Variants in SLC7A13 observed in about 807,000 individuals in gnomAD.
SLC7A13 encodes the protein X-amino acid transporter 2.
Under a neutral mutation model 32.0 loss-of-function variants are expected in SLC7A13, and 31 were observed. The observed-to-expected ratio is 0.97, with a 90% CI of 0.73 to 1.31. The LOEUF is 1.31. SLC7A13 is among the 50% of genes most tolerant of loss of function. The probability of loss-of-function intolerance (pLI) is 0.00; values close to 1 mark genes in which losing one functional copy is unlikely to be tolerated. For missense variants in SLC7A13, 633 were observed against 546.9 expected, an observed-to-expected ratio of 1.16 and a Z score of -1.57; for synonymous variants, 232 against 206.9, an observed-to-expected ratio of 1.12 and a Z score of -1.04.
chr8:86,223,250 A>C, intron 1 of SLC7A13, 147 bp from the exon 2 acceptor site: 1 of 743,086 alleles, frequency 1.3e-6, no homozygotes, highest in Non-Finnish European at 2.0e-6. Context: ...TGGTCAAATC[A>C]GAGTTTTAGT....
At position 86,214,504 on chromosome 8, in the gene SLC7A13, T is replaced by A. The variant is rs1470396247; in HGVS notation, c.1322A>T (p.His441Leu). ...SGLLFYIPLI[H>L]FKIRLAWFEK... Reference sequence around the variant, plus strand: ...AAACCAAGCCAATCTTATTTTAAAATGTATTAAAGGTATGTAAAATAGTAA... The same window carrying A: ...AAACCAAGCCAATCTTATTTTAAAAAGTATTAAAGGTATGTAAAATAGTAA... Residue 441 changes from histidine (H) to leucine (L), a missense_variant, in exon 4 of 4, where the codon CAT (histidine) becomes CTT (leucine). His to Leu is a moderately conservative substitution (Grantham distance 99). Coordinates refer to ENST00000297524, the MANE Select transcript of SLC7A13 (RefSeq NM_138817.3). 6.2e-7 allele frequency: 1 copy of A among 1,612,250 alleles called. No individual in the cohort carries two copies. Among genetic ancestry groups the A allele is most frequent in the Non-Finnish European group, 8.5e-7 (1 of 1,178,972 alleles).
Position 86,229,783 on chromosome 8 carries a change from C to T in SLC7A13, c.495G>A (p.Val165=), listed in dbSNP as rs1051211573. ...TGAAGCTAAGTATGGACACTTTCAG[C>T]ACTGAGCTAGCTATCTGAAGCCAAG... The part of the protein sequence containing the change: ...EVTWLQIASS[V]LKVSILSFIS... Residue 165 remains valine (V), a synonymous_variant, in exon 1 of 4, where the codon GTG becomes GTA. Coordinates refer to ENST00000297524, the MANE Select transcript of SLC7A13 (RefSeq NM_138817.3). 1 of 1,614,060 alleles carries T rather than the reference C, an allele frequency of 6.2e-7. No individual in the cohort carries two copies. The highest frequency in any genetic ancestry group is 8.5e-7 in the Non-Finnish European group (1 of 1,180,048).
At chr8:86,219,584 C>A (rs1341996028) in intron 2 of SLC7A13, among the ~76,000 whole-genome samples, 1 of 152,150 alleles carries the variant, frequency 6.6e-6, no homozygotes, top group East Asian at 1.9e-4. Flanking sequence ...TTTGGATCCT[C>A]TTCTAGAAAT....
intron 3 of SLC7A13, among the ~76,000 whole-genome samples, chr8:86,217,055 C>T (rs190252906): frequency 1.1e-3 from 170 of 152,272 alleles, no homozygotes; most frequent in African/African-American, 3.8e-3. Context: ...AATTTGCCAA[C>T]AAAGTAAGCT....
In SLC7A13 at chr8:86,229,786, T is replaced by C; in HGVS notation, c.492A>G (p.Ser164=). ...AGCTAAGTATGGACACTTTCAGCAC[T>C]GAGCTAGCTATCTGAAGCCAAGTCA... ...KEVTWLQIAS[S]VLKVSILSFI... The change falls in exon 1 of 4, where the codon TCA becomes TCG. Residue 164 remains serine, a synonymous_variant. Transcript: ENST00000297524. The C allele has an allele frequency of 6.2e-7, 1 of 1,614,236 alleles. No individual in the cohort carries two copies. Among genetic ancestry groups the C allele is most frequent in the Non-Finnish European group, 8.5e-7 (1 of 1,180,044 alleles).
rs1820137924 is a variant in SLC7A13 at position 86,214,164 on chromosome 8, C to A, written c.*249G>T. On this transcript the variant is annotated 3_prime_UTR_variant, in exon 4 of 4. Coordinates refer to ENST00000297524, the MANE Select transcript of SLC7A13 (RefSeq NM_138817.3). ...AGAGAATGGAAGTTGTATAATCACT[C>A]TATCAAGCTACGCAAACCAGGACTT... 2 of 307,560 alleles carry A rather than the reference C, an allele frequency of 6.5e-6. No homozygotes were observed. The highest frequency in any genetic ancestry group is 4.6e-5 in the Admixed American group (1 of 21,838). The allele number at this position is 307,560 out of a possible 1,614,324, so 19.1% of individuals were successfully genotyped here.
chr8:86,220,093 A>G (rs1031202276), intron 2 of SLC7A13, among the ~76,000 whole-genome samples: 2 of 152,048 alleles, frequency 1.3e-5, no homozygotes, highest in Non-Finnish European at 2.9e-5. Flanking sequence ...ATTTTTAACA[A>G]CATCTGGGTA....
intron 2 of SLC7A13, among the ~76,000 whole-genome samples, 157 bp from the exon 3 acceptor site, chr8:86,217,988 A>G (rs962134262): frequency 6.6e-6 from 1 of 152,172 alleles, no homozygotes; most frequent in Non-Finnish European, 1.5e-5. Flanking sequence ...TTACACCTAC[A>G]TAACACCTTA....
intron 1 of SLC7A13, among the ~76,000 whole-genome samples, chr8:86,224,629 A>G (rs928831995): frequency 1.3e-5 from 2 of 152,158 alleles, no homozygotes; most frequent in East Asian, 1.9e-4. Context: ...ATTTTGTCCT[A>G]CCCTGAGAAT....
chr8:86,215,756 T>G (rs751311409), intron 3 of SLC7A13: 26 of 390,974 alleles, frequency 6.7e-5, no homozygotes, highest in Non-Finnish European at 1.1e-4. Flanking sequence ...AAAAAGATAC[T>G]TTATCATCTC....
intron 1 of SLC7A13, among the ~76,000 whole-genome samples, chr8:86,227,065 AG>A (rs1297624162): frequency 6.6e-6 from 1 of 152,236 alleles, no homozygotes; most frequent in Non-Finnish European, 1.5e-5. Flanking sequence ...CACTTGCTAT[AG>A]TTGGTAATGG....
chr8:86,222,659 A>ATTT (rs1820316166), intron 2 of SLC7A13, among the ~76,000 whole-genome samples: 1 of 152,166 alleles, frequency 6.6e-6, no homozygotes, highest in Non-Finnish European at 1.5e-5. Flanking sequence ...AATCGATGTA[A>ATTT]ACAGTGATTA....
chr8:86,218,968 G>C (rs1198239440), intron 2 of SLC7A13, among the ~76,000 whole-genome samples: 1 of 152,090 alleles, frequency 6.6e-6, no homozygotes, highest in Non-Finnish European at 1.5e-5. Context: ...TATAACACAA[G>C]GTAGGACTTC....
rs776236980 is a variant in SLC7A13, at chr8:86,214,379, AG to A, written c.*33del. Reference sequence around the variant, plus strand: ...TGGAATCTGATATATGTTTTTTAGAAGGCCAATTTTTTAAGAGTTTGCACTT... The same window carrying A: ...TGGAATCTGATATATGTTTTTTAGAAGCCAATTTTTTAAGAGTTTGCACTT... On this transcript the variant is annotated 3_prime_UTR_variant, in exon 4 of 4. Transcript: ENST00000297524. 23 of 1,343,186 alleles carry A rather than the reference AG, an allele frequency of 1.7e-5. No individual in the cohort carries two copies. Among genetic ancestry groups the A allele is most frequent in the Non-Finnish European group, 2.2e-5 (21 of 966,240 alleles). The allele number at this position is 1,343,186 out of a possible 1,614,324, so 83.2% of individuals were successfully genotyped here.
chr8:86,221,856 G>A (rs1025608195), intron 2 of SLC7A13, among the ~76,000 whole-genome samples: 2 of 152,072 alleles, frequency 1.3e-5, no homozygotes, highest in African/African-American at 2.4e-5. Context: ...CATAACAGAC[G>A]CCAGCTTCAA....
At chr8:86,229,111 T>C (rs1820439768) in intron 1 of SLC7A13, among the ~76,000 whole-genome samples, 1 of 152,148 alleles carries the variant, frequency 6.6e-6, no homozygotes, top group Non-Finnish European at 1.5e-5. Context: ...GTAAAATCAA[T>C]TTGTATTATT....
Position 86,230,052 on chromosome 8 carries a change from A to T in SLC7A13, c.226T>A (p.Cys76Ser), listed in dbSNP as rs534262188. 5 of 1,614,178 alleles carry T rather than the reference A, an allele frequency of 3.1e-6. No homozygotes were observed. In the South Asian group the frequency reaches 5.5e-5, roughly 18 times the overall value. The change falls in exon 1 of 4, where the codon TGC becomes AGC. Residue 76 changes from cysteine (C) to serine (S), a missense_variant. Coordinates refer to ENST00000297524, the MANE Select transcript of SLC7A13 (RefSeq NM_138817.3). ...CSAEISISFP[C>S]SGAQYYFLKR... ...AGAAAATAGTATTGAGCTCCACTGCATGGGAAGCTTATACTTATCTCTGCA... is the reference window on the plus strand; with the variant it reads ...AGAAAATAGTATTGAGCTCCACTGCTTGGGAAGCTTATACTTATCTCTGCA...
Position 86,222,835 on chromosome 8 carries a change from T to G in SLC7A13, c.817+137A>C, listed in dbSNP as rs921937752. On this transcript the variant is annotated intron_variant, in intron 2 of 3. Coordinates refer to ENST00000297524, the MANE Select transcript of SLC7A13 (RefSeq NM_138817.3). ...TAAGACAAATCATTCCCTTTGGCCCTCTGTTATTTTAGAAAATTATAAGTT... is the reference window on the plus strand; with the variant it reads ...TAAGACAAATCATTCCCTTTGGCCCGCTGTTATTTTAGAAAATTATAAGTT... 3.7e-6 allele frequency: 3 copies of G among 821,382 alleles called. No individual in the cohort carries two copies. In the African/African-American group the frequency reaches 5.4e-5, roughly 15 times the overall value. The allele number at this position is 821,382 out of a possible 1,614,324, so 50.9% of individuals were successfully genotyped here. A position where few individuals can be genotyped will look rare whatever the true frequency, so the allele number is the denominator to read the frequency against.
intron 1 of SLC7A13, among the ~76,000 whole-genome samples, 194 bp downstream of exon 1, chr8:86,229,399 A>G (rs1820443170): frequency 1.3e-5 from 2 of 152,228 alleles, no homozygotes; most frequent in South Asian, 4.1e-4. Flanking sequence ...TCAATCAAAT[A>G]AGTACCTTAG....
Sources: gnomAD v4.1 joint callset for allele counts (sites outside exome capture counted in the v4.1 genomes callset) on GRCh38, gnomAD v4.1.1 for gene constraint, MANE v1.5 for transcripts, NCBI Gene and HGNC (gene_info 2026-07-23, HGNC 2026-07-21) for gene names.